WSCD2: variants seen among roughly 807,000 people sequenced by gnomAD.
WSCD2 encodes WSC domain sialate O sulfotransferase 2.
A neutral mutation model predicts 55.7 loss-of-function variants in WSCD2; 28 were observed. That is an observed-to-expected ratio of 0.50 (90% CI 0.37 to 0.69). The LOEUF (loss-of-function observed/expected upper bound fraction) is 0.69, where lower values mean the gene tolerates loss of function less well. WSCD2 is among the 30% of genes least tolerant of loss of function. WSCD2 has a pLI of 0.00. For missense variants in WSCD2, 616 were observed against 762.1 expected (o/e 0.81, Z 2.26); for synonymous variants, 301 against 301.9 (o/e 1.00, Z 0.03).
chr12:108,174,754 A>G (rs1880606984), intron 1 of WSCD2, among the ~76,000 whole-genome samples: 1 of 152,178 alleles, frequency 6.6e-6, no homozygotes, highest in Non-Finnish European at 1.5e-5. Flanking sequence ...AGCTAGGACT[A>G]CAGGTGCATG....
chr12:108,214,159 T>G (rs1235854784), intron 4 of WSCD2, among the ~76,000 whole-genome samples: 1 of 152,220 alleles, frequency 6.6e-6, no homozygotes. Context: ...AGATTTCATT[T>G]GTAGAGTCAT....
intron 3 of WSCD2, among the ~76,000 whole-genome samples, chr12:108,209,880 CCT>C (rs1885895627): frequency 1.3e-5 from 2 of 152,030 alleles, no homozygotes; most frequent in African/African-American, 2.4e-5. Flanking sequence ...TTGGTGTCCC[CCT>C]GTCTCCCGAA....
chr12:108,173,864 A>T (rs1420347961), intron 1 of WSCD2, among the ~76,000 whole-genome samples: 2 of 121,200 alleles, frequency 1.7e-5, no homozygotes, highest in Admixed American at 1.6e-4. Context: ...GTCAGGGACT[A>T]TCAGGGGTTT....
chr12:108,249,013 A>T lies in WSCD2; in HGVS notation c.*670A>T. On this transcript the variant is annotated 3_prime_UTR_variant, in exon 9 of 9. Transcript: ENST00000547525. ...CAGGCCACACTGCTTCTCAGAAATG[A>T]GCTGCTTGCCTTTCCACCTCCAGGG... 2.7e-6 allele frequency: 2 copies of T among 747,570 alleles called. No homozygotes were observed. Among genetic ancestry groups the T allele is most frequent in the Non-Finnish European group, 3.3e-6 (2 of 612,424 alleles). 46.3% of individuals were successfully genotyped at this position (747,570 alleles called of 1,614,324 possible).
At chr12:108,224,644 T>A in intron 4 of WSCD2, 95 bp from the exon 5 acceptor site, 7 of 1,508,374 alleles carry the variant, frequency 4.6e-6, no homozygotes, top group Non-Finnish European at 6.2e-6. Context: ...TGGGCAAGAC[T>A]CTTGCCTTCT....
intron 4 of WSCD2, among the ~76,000 whole-genome samples, chr12:108,224,433 A>T (rs1325408423): frequency 6.6e-6 from 1 of 152,236 alleles, no homozygotes; most frequent in African/African-American, 2.4e-5. Context: ...TGAGGAAGTG[A>T]GGCATGGGAA....
intron 1 of WSCD2, among the ~76,000 whole-genome samples, chr12:108,175,168 T>C (rs1040438877): frequency 2.0e-5 from 3 of 152,184 alleles, no homozygotes; most frequent in Admixed American, 6.5e-5. Context: ...TTGTCATGAC[T>C]GGTGGGTGTT....
intron 2 of WSCD2, among the ~76,000 whole-genome samples, chr12:108,203,386 G>A (rs778569746): frequency 1.1e-4 from 17 of 152,160 alleles, no homozygotes; most frequent in Non-Finnish European, 5.9e-5. Flanking sequence ...GCTGGTGGTA[G>A]CTCTGGGGTT....
chr12:108,241,208 C>T (rs533871618), intron 8 of WSCD2, among the ~76,000 whole-genome samples: 7 of 152,222 alleles, frequency 4.6e-5, no homozygotes, highest in African/African-American at 1.4e-4. Context: ...AGCATTGAGC[C>T]CCAAGCATGG....
chr12:108,248,158 G>C lies in WSCD2; in HGVS notation c.1513G>C (p.Asp505His). The part of the protein sequence containing the change: ...VSLLGVAVRE[D>H]RLLCVESQKD... ...CCTGCTGGGCGTGGCTGTCAGGGAGGACCGGCTGCTCTGTGTGGAGAGCCA... is the reference window on the plus strand; with the variant it reads ...CCTGCTGGGCGTGGCTGTCAGGGAGCACCGGCTGCTCTGTGTGGAGAGCCA... Residue 505 changes from aspartate (D) to histidine (H), a missense_variant, in exon 9 of 9, where the codon GAC (aspartate) becomes CAC (histidine). Asp to His is a moderately conservative substitution (Grantham distance 81). Around this residue, in one of 3 missense-constraint regions of WSCD2, gnomAD observed 234 missense variants for 264.6 expected, o/e 0.88. Coordinates refer to ENST00000547525, the MANE Select transcript of WSCD2 (RefSeq NM_014653.4). This position sits in a 1 kb window ranked among gnomAD's most constrained non-coding sequence, Gnocchi z 4.3. 2 of 1,614,214 alleles carry C rather than the reference G, an allele frequency of 1.2e-6. No homozygotes were observed. The highest frequency in any genetic ancestry group is 1.7e-6 in the Non-Finnish European group (2 of 1,180,044).
At chr12:108,209,240 T>C (rs944631573) in intron 3 of WSCD2, among the ~76,000 whole-genome samples, 2 of 152,222 alleles carry the variant, frequency 1.3e-5, no homozygotes, top group African/African-American at 4.8e-5. Context: ...ATTTCCTTGA[T>C]GAATGTGTGA....
intron 1 of WSCD2, among the ~76,000 whole-genome samples, chr12:108,188,427 C>T (rs758287594): frequency 1.6e-4 from 24 of 152,062 alleles, no homozygotes; most frequent in Non-Finnish European, 2.5e-4. Flanking sequence ...ATCATGAGCA[C>T]GATGGAATCA....
chr12:108,197,323 C>G (rs1339256138), intron 2 of WSCD2: 4 of 152,300 alleles, frequency 2.6e-5, no homozygotes, highest in African/African-American at 9.7e-5. Context: ...CCAACCTGGC[C>G]TGGGAACCAT....
intron 1 of WSCD2, among the ~76,000 whole-genome samples, chr12:108,137,191 G>T (rs775828819): frequency 1.3e-5 from 2 of 152,236 alleles, no homozygotes; most frequent in African/African-American, 2.4e-5. Context: ...GGGACAGGTA[G>T]AAAAGCTAGA....
intron 7 of WSCD2, among the ~76,000 whole-genome samples, chr12:108,233,957 C>G (rs1266090141): frequency 6.6e-6 from 1 of 152,204 alleles, no homozygotes; most frequent in Non-Finnish European, 1.5e-5. Flanking sequence ...AGGCAATTTA[C>G]TGTACCTACC....
Position 108,232,826 on chromosome 12 carries a change from C to T in WSCD2, c.1075C>T (p.His359Tyr). The change falls in exon 7 of 9, where the codon CAC becomes TAC. Residue 359 changes from histidine (H) to tyrosine (Y), a missense_variant. By Grantham distance (83) the His-to-Tyr change is moderately conservative. Around this residue, in one of 3 missense-constraint regions of WSCD2, gnomAD observed 8 missense variants for 30.1 expected, o/e 0.27. Transcript: ENST00000547525. ...AGGTGCTGGCAACACGTGGGCTCGC[C>T]ACCTCATTGAATTGGCCACAGGCTT... ...FPGAGNTWAR[H>Y]LIELATGFYT... is the part of the protein sequence containing the mutation. The T allele has an allele frequency of 1.2e-6, 2 of 1,614,064 alleles. No homozygotes were observed. Among genetic ancestry groups the T allele is most frequent in the Non-Finnish European group, 1.7e-6 (2 of 1,180,006 alleles).
intron 1 of WSCD2, among the ~76,000 whole-genome samples, chr12:108,169,638 C>A (rs1461580550): frequency 6.6e-6 from 1 of 152,124 alleles, no homozygotes; most frequent in African/African-American, 2.4e-5. Flanking sequence ...CTCTGACATG[C>A]AAACATCTGC....
intron 1 of WSCD2, among the ~76,000 whole-genome samples, chr12:108,174,480 C>G (rs1862503765): frequency 6.6e-6 from 1 of 152,124 alleles, no homozygotes; most frequent in African/African-American, 2.4e-5. Context: ...GTACATGAGT[C>G]CCCACATGGT....
At position 108,216,241 on chromosome 12, in the gene WSCD2, G is replaced by T. The variant is rs538645578; in HGVS notation, c.682+5936G>T. On this transcript the variant is annotated intron_variant, in intron 4 of 8. Transcript: ENST00000547525. Reference sequence around the variant, plus strand: ...TAATTGAATCTTGCTAAGTTTCAGGGTCTCTGCCTACAAAATAGGATAATA... The same window carrying T: ...TAATTGAATCTTGCTAAGTTTCAGGTTCTCTGCCTACAAAATAGGATAATA... Among the ~76,000 whole-genome samples, 4 of 152,316 alleles carry T rather than the reference G, an allele frequency of 2.6e-5. No individual in the cohort carries two copies. In the South Asian group the frequency reaches 6.2e-4, roughly 24 times the overall value.
Sources: allele counts gnomAD v4.1 joint callset (sites outside exome capture counted in the v4.1 genomes callset), GRCh38; gene constraint gnomAD v4.1.1; regional missense constraint gnomAD v4.1.1; non-coding constraint Gnocchi (gnomAD v3.1); transcripts MANE v1.5; gene names NCBI Gene and HGNC (gene_info 2026-07-23, HGNC 2026-07-21).